TP53BP1: variants seen among roughly 807,000 people sequenced by gnomAD.
TP53BP1 encodes TP53-binding protein 1.
A neutral mutation model predicts 200.8 loss-of-function variants in TP53BP1; 61 were observed. That is an observed-to-expected ratio of 0.30 (90% CI 0.25 to 0.38). TP53BP1 has a LOEUF of 0.38. Among genes scored for constraint, TP53BP1 ranks in the 10% least tolerant of loss-of-function variants. The probability of loss-of-function intolerance (pLI) is 1.00; values close to 1 mark genes in which losing one functional copy is unlikely to be tolerated. For missense variants in TP53BP1, 2,144 were observed against 2,371.9 expected, an observed-to-expected ratio of 0.90 and a Z score of 2.00; for synonymous variants, 822 against 844.3, an observed-to-expected ratio of 0.97 and a Z score of 0.46.
chr15:43,421,509 A>G (rs561546764), intron 19 of TP53BP1, among the ~76,000 whole-genome samples: 9 of 152,346 alleles, frequency 5.9e-5, no homozygotes, highest in Non-Finnish European at 1.0e-4. Context: ...TAGGAGATGC[A>G]TTAAGTTTGG....
chr15:43,422,590 G>A (rs528840072), intron 18 of TP53BP1, among the ~76,000 whole-genome samples: 1 of 152,278 alleles, frequency 6.6e-6, no homozygotes, highest in Non-Finnish European at 1.5e-5. Context: ...GTGGTCAGGA[G>A]CCCTTCTAGG....
At chr15:43,465,071 C>G (rs1001747177) in intron 11 of TP53BP1, among the ~76,000 whole-genome samples, 1 of 151,768 alleles carries the variant, frequency 6.6e-6, no homozygotes, top group African/African-American at 2.4e-5. Flanking sequence ...ATGAAAGAAG[C>G]CATTCACAAA....
chr15:43,493,379 G>T (rs1250211687), upstream of TP53BP1, among the ~76,000 whole-genome samples: 1 of 152,134 alleles, frequency 6.6e-6, no homozygotes, highest in Non-Finnish European at 1.5e-5. Flanking sequence ...GACCTTGAGA[G>T]GGCGTGAAAT....
Position 43,420,377 on chromosome 15 carries a change from T to A in TP53BP1, c.4609A>T (p.Ile1537Phe). ...GYECDVLGKD[I>F]LLCDPIPLDT... ...AGCGGGATGGGGTCACATAACAGAATGTCTTTGCCCAACACATCACATTCG... is the reference window on the plus strand; with the variant it reads ...AGCGGGATGGGGTCACATAACAGAAAGTCTTTGCCCAACACATCACATTCG... Residue 1537 changes from isoleucine to phenylalanine, a missense_variant, in exon 21 of 28, where the codon ATT becomes TTT. Around this residue, in one of 4 missense-constraint regions of TP53BP1, gnomAD observed 61 missense variants for 147.5 expected, o/e 0.41. Coordinates refer to ENST00000382044, the MANE Select transcript of TP53BP1 (RefSeq NM_001141980.3). 6.2e-7 allele frequency: 1 copy of A among 1,614,176 alleles called. No individual in the cohort carries two copies. The highest frequency in any genetic ancestry group is 8.5e-7 in the Non-Finnish European group (1 of 1,180,036).
At position 43,403,498 on chromosome 15, in the gene TP53BP1, T is replaced by G; in HGVS notation, c.*3885A>C. On this transcript the variant is annotated 3_prime_UTR_variant, in exon 28 of 28. Coordinates refer to ENST00000382044, the MANE Select transcript of TP53BP1 (RefSeq NM_001141980.3). ...ACTCGCTTAGCCAGGAAAGGATGCA[T>G]TTGTTTTACGCATTTTGTGCGTCTG... 1 of 548,332 alleles carries G rather than the reference T, an allele frequency of 1.8e-6. No individual in the cohort carries two copies. Among genetic ancestry groups the G allele is most frequent in the Non-Finnish European group, 3.3e-6 (1 of 305,090 alleles). 34.0% of individuals were successfully genotyped at this position (548,332 alleles called of 1,614,324 possible).
At chr15:43,510,008 G>A (rs1463514481) in intron 1 of TP53BP1, among the ~76,000 whole-genome samples, 2 of 152,082 alleles carry the variant, frequency 1.3e-5, no homozygotes, top group Non-Finnish European at 2.9e-5. Context: ...ACTGAGGAAT[G>A]GGGGAGGCTA....
intron 11 of TP53BP1, among the ~76,000 whole-genome samples, chr15:43,468,213 C>A (rs2046636333): frequency 1.3e-5 from 2 of 152,048 alleles, no homozygotes; most frequent in South Asian, 4.1e-4. Flanking sequence ...GCATGCCCCA[C>A]CATGCCCAGC....
chr15:43,442,815 CTTTTTTTTTTTTTTTT>C (rs71111818), intron 14 of TP53BP1, among the ~76,000 whole-genome samples: 1 of 61,004 alleles, frequency 1.6e-5, no homozygotes, highest in Non-Finnish European at 2.8e-5. Context: ...CAGTAATATT[CTTTTTTTTTTTTTTTT>C]TTTTTTTTTT....
At chr15:43,460,620 T>C (rs761394507) in intron 11 of TP53BP1, among the ~76,000 whole-genome samples, 1 of 152,154 alleles carries the variant, frequency 6.6e-6, no homozygotes, top group African/African-American at 2.4e-5. Flanking sequence ...ATTCTGTATA[T>C]TCCATAACTT....
intron 11 of TP53BP1, among the ~76,000 whole-genome samples, chr15:43,463,566 T>C (rs12914928): frequency 1.3e-5 from 2 of 152,168 alleles, no homozygotes; most frequent in Non-Finnish European, 1.5e-5. Flanking sequence ...TGAAATCCCA[T>C]TAAGTAATGG....
chr15:43,477,504 A>T (rs2078901543), intron 8 of TP53BP1, 89 bp downstream of exon 8: 12 of 1,306,302 alleles, frequency 9.2e-6, no homozygotes, highest in South Asian at 2.0e-5. Context: ...AACCTATAAA[A>T]TGCTTTGTAA....
chr15:43,486,291 G>A (rs572621137), intron 4 of TP53BP1, among the ~76,000 whole-genome samples: 1 of 152,106 alleles, frequency 6.6e-6, no homozygotes, highest in Non-Finnish European at 1.5e-5. Flanking sequence ...CAGGAGAATC[G>A]CTTGAACCCA....
intron 4 of TP53BP1, among the ~76,000 whole-genome samples, chr15:43,482,275 A>C (rs1486129897): frequency 2.6e-5 from 4 of 152,100 alleles, no homozygotes; most frequent in Non-Finnish European, 1.5e-5. Context: ...ACAACCTATA[A>C]ATTCAGCATT....
intron 1 of TP53BP1, among the ~76,000 whole-genome samples, chr15:43,499,228 G>A (rs1348283754): frequency 2.0e-5 from 3 of 151,994 alleles, no homozygotes; most frequent in East Asian, 1.9e-4. Flanking sequence ...TAACGTCTAC[G>A]TACAAAGAAG....
At chr15:43,416,174 G>A (rs756855566) in intron 22 of TP53BP1, 51 bp downstream of exon 22, 8 of 1,515,592 alleles carry the variant, frequency 5.3e-6, no homozygotes, top group Non-Finnish European at 7.1e-6. Flanking sequence ...TCCTCCCACT[G>A]TAAGCAGAAC....
chr15:43,459,247 G>A (rs1020426980), intron 11 of TP53BP1, among the ~76,000 whole-genome samples: 4 of 152,082 alleles, frequency 2.6e-5, no homozygotes, highest in African/African-American at 9.7e-5. Flanking sequence ...TGAGGCACGA[G>A]AATTGCTTGA....
chr15:43,465,200 G>C (rs1037437261), intron 11 of TP53BP1, among the ~76,000 whole-genome samples: 2 of 151,996 alleles, frequency 1.3e-5, no homozygotes, highest in Non-Finnish European at 2.9e-5. Context: ...AATCTATAGA[G>C]ACAGAAAGTA....
intron 4 of TP53BP1, 134 bp from the exon 5 acceptor site, chr15:43,481,156 G>A: frequency 1.1e-6 from 1 of 908,182 alleles, no homozygotes; most frequent in Non-Finnish European, 1.6e-6. Context: ...CCTTTATAGT[G>A]CTTCTTTCTA....
At position 43,457,309 on chromosome 15, in the gene TP53BP1, A is replaced by T. The variant is rs997110830; in HGVS notation, c.1390-91T>A. The T allele has an allele frequency of 4.0e-5, 48 of 1,191,844 alleles. No individual in the cohort carries two copies. In the Admixed American group the frequency reaches 6.2e-4, roughly 15 times the overall value. The allele number at this position is 1,191,844 out of a possible 1,614,324, so 73.8% of individuals were successfully genotyped here. A position where few individuals can be genotyped will look rare whatever the true frequency, so the allele number is the denominator to read the frequency against. On this transcript the variant is annotated intron_variant, in intron 11 of 27. Transcript: ENST00000382044. ...CTTGGATTCATATAAAATTTCTAAA[A>T]TCAAATTTCTAAATCAAATTTTTAA...
Sources: gnomAD v4.1 joint callset for allele counts (sites outside exome capture counted in the v4.1 genomes callset) on GRCh38, gnomAD v4.1.1 for gene constraint, gnomAD v4.1.1 regional missense constraint, MANE v1.5 for transcripts, NCBI Gene and HGNC (gene_info 2026-07-23, HGNC 2026-07-21) for gene names.